The following ACSL6 variants were observed in gnomAD, a reference collection of about 807,000 sequenced individuals.
ACSL6 encodes the protein long-chain-fatty-acid--CoA ligase 6.
In ACSL6, 47 loss-of-function variants were observed where a neutral mutation model predicts 98.2. The ratio of observed to expected loss-of-function variants is 0.48; its 90% CI spans 0.38 to 0.61. The LOEUF (loss-of-function observed/expected upper bound fraction) is 0.61, where lower values mean the gene tolerates loss of function less well. ACSL6 is among the 20% of genes least tolerant of loss of function. ACSL6 has a pLI of 0.00. For missense variants in ACSL6, 761 were observed against 913.4 expected (o/e 0.83, Z 2.15); for synonymous variants, 362 against 336.9 (o/e 1.07, Z -0.82).
At chr5:131,981,478 T>C (rs1050051677) in intron 9 of ACSL6, among the ~76,000 whole-genome samples, 20 of 152,028 alleles carry the variant, frequency 1.3e-4, no homozygotes, top group Admixed American at 7.2e-4. Context: ...TCAACCAGCA[T>C]CCCAGAGGCT....
chr5:131,973,251 C>T lies in ACSL6; in HGVS notation c.1203+15G>A. 4 of 1,612,520 alleles carry T rather than the reference C, an allele frequency of 2.5e-6. No homozygotes were observed. The Admixed American group carries it at 5.0e-5, about 20-fold the overall frequency. On this transcript the variant is annotated intron_variant, in intron 12 of 20. Coordinates refer to ENST00000651883, the MANE Select transcript of ACSL6 (RefSeq NM_001009185.3). ...CAGCCCCTCAGCCTGGCTGAAGACT[C>T]CCTGCAGAACTTACCTTGTCGTACA... is the stretch of plus-strand genomic sequence containing the variant.
At chr5:131,986,255 C>G (rs1283253306) in intron 8 of ACSL6, among the ~76,000 whole-genome samples, 1 of 152,176 alleles carries the variant, frequency 6.6e-6, no homozygotes, top group Non-Finnish European at 1.5e-5. Flanking sequence ...GTGACCTGCT[C>G]AGGCCTGTGT....
intron 17 of ACSL6, among the ~76,000 whole-genome samples, chr5:131,963,412 T>A (rs568340388): frequency 1.3e-5 from 2 of 152,354 alleles, no homozygotes; most frequent in African/African-American, 2.4e-5. Context: ...CACCGTTTTC[T>A]CTTCATTGGT....
chr5:132,011,783 G>T, upstream of ACSL6: 3 of 1,367,096 alleles, frequency 2.2e-6, no homozygotes, highest in Admixed American at 3.4e-5. This position sits in a 1 kb window ranked among gnomAD's most constrained non-coding sequence, Gnocchi z 5.4. Context: ...CTGCCCTGCA[G>T]CCTGGCCGGC....
At chr5:131,957,629 T>C (rs563324008) in intron 20 of ACSL6, among the ~76,000 whole-genome samples, 2 of 152,372 alleles carry the variant, frequency 1.3e-5, no homozygotes, top group East Asian at 1.9e-4. Flanking sequence ...ACTTTGGATA[T>C]AGAACTTGAA....
chr5:131,956,778 T>C (rs1337196649), intron 20 of ACSL6, among the ~76,000 whole-genome samples: 2 of 152,150 alleles, frequency 1.3e-5, no homozygotes, highest in Non-Finnish European at 2.9e-5. Flanking sequence ...AACTGTCCAA[T>C]TGTGAACTTT....
chr5:131,992,816 G>A (rs1424683505), intron 2 of ACSL6, among the ~76,000 whole-genome samples: 2 of 152,212 alleles, frequency 1.3e-5, no homozygotes, highest in Non-Finnish European at 2.9e-5. Context: ...GACCTCTCCA[G>A]ATGTGATATA....
At chr5:131,995,984 G>A (rs1218315483) in intron 1 of ACSL6, among the ~76,000 whole-genome samples, 1 of 152,246 alleles carries the variant, frequency 6.6e-6, no homozygotes, top group Non-Finnish European at 1.5e-5. Context: ...AGCAGGCCTG[G>A]TACAAGCACT....
At chr5:131,969,692 G>T (rs1162899745) in intron 15 of ACSL6, among the ~76,000 whole-genome samples, 1 of 152,140 alleles carries the variant, frequency 6.6e-6, no homozygotes, top group Non-Finnish European at 1.5e-5. Context: ...GGTTCATAGG[G>T]GCCAGGGTAC....
chr5:131,973,818 G>A (rs1753457531), intron 11 of ACSL6: 1 of 164,978 alleles, frequency 6.1e-6, no homozygotes, highest in Admixed American at 6.0e-5. Flanking sequence ...GAAGGTGAAG[G>A]TGTGTAAGCC....
chr5:132,012,144 CT>C, upstream of ACSL6: 1 of 513,492 alleles, frequency 1.9e-6, no homozygotes, highest in Non-Finnish European at 3.2e-6. Context: ...CCAACGCCCC[CT>C]AGGACCCGAG....
chr5:132,012,084 G>A, upstream of ACSL6: 3 of 982,568 alleles, frequency 3.1e-6, no homozygotes, highest in Non-Finnish European at 4.4e-6. Flanking sequence ...CCGGGTCGCG[G>A]TTACCTGTCC....
At chr5:131,996,015 G>A (rs892247900) in intron 1 of ACSL6, among the ~76,000 whole-genome samples, 9 of 152,224 alleles carry the variant, frequency 5.9e-5, no homozygotes, top group Admixed American at 2.0e-4. Flanking sequence ...GATTTGGCCT[G>A]CACACTGTGG....
upstream of ACSL6, chr5:132,012,015 AC>A (rs1462262994): frequency 6.2e-6 from 9 of 1,443,950 alleles, no homozygotes; most frequent in Non-Finnish European, 8.3e-6. Flanking sequence ...TCAACACGCG[AC>A]CCTGCCCCCG....
intron 20 of ACSL6, 40 bp from the exon 21 acceptor site, chr5:131,954,411 A>G (rs763902800): frequency 1.2e-6 from 2 of 1,601,928 alleles, no homozygotes; most frequent in South Asian, 2.2e-5. Flanking sequence ...ACAGGAATAG[A>G]ACACAGTATT....
chr5:131,963,215 T>C (rs1414611940), intron 17 of ACSL6, among the ~76,000 whole-genome samples: 4 of 152,176 alleles, frequency 2.6e-5, no homozygotes, highest in Non-Finnish European at 5.9e-5. Flanking sequence ...CAGATGGCAC[T>C]AGGAGCCCAG....
chr5:132,011,767 T>C, upstream of ACSL6: 1 of 1,330,162 alleles, frequency 7.5e-7, no homozygotes, highest in South Asian at 2.1e-5. This position sits in a 1 kb window ranked among gnomAD's most constrained non-coding sequence, Gnocchi z 5.4. Context: ...AACCGAGCCT[T>C]ACTCCCTGCC....
chr5:131,988,415 G>T, intron 6 of ACSL6, 189 bp from the exon 7 acceptor site: 1 of 1,309,332 alleles, frequency 7.6e-7, no homozygotes, highest in Non-Finnish European at 1.1e-6. Context: ...GGAACCAAGG[G>T]CAGAAGGCCA....
intron 20 of ACSL6, among the ~76,000 whole-genome samples, chr5:131,956,231 A>C (rs1451127457): frequency 6.6e-6 from 1 of 152,222 alleles, no homozygotes; most frequent in Non-Finnish European, 1.5e-5. Context: ...AGAGGTATAT[A>C]ATGTCATTTA....
Sources: allele counts gnomAD v4.1 joint callset (sites outside exome capture counted in the v4.1 genomes callset), GRCh38; gene constraint gnomAD v4.1.1; non-coding constraint Gnocchi (gnomAD v3.1); transcripts MANE v1.5; gene names NCBI Gene and HGNC (gene_info 2026-07-23, HGNC 2026-07-21).